The following HOTAIR variants were observed in gnomAD, a reference collection of about 807,000 sequenced individuals.
HOTAIR encodes HOX transcript antisense RNA (non-protein coding).
chr12:53,971,473 T>G (rs1939147118), intron 1 of HOTAIR, among the ~76,000 whole-genome samples: 1 of 152,234 alleles, frequency 6.6e-6, no homozygotes, highest in Non-Finnish European at 1.5e-5. Context: ...AGCTACAATT[T>G]TTTGTGTCCT....
Position 53,973,107 on chromosome 12 carries a change from A to C in HOTAIR, n.59+1791T>G. 1.5e-6 allele frequency: 1 copy of C among 666,238 alleles called. No individual in the cohort carries two copies. The highest frequency in any genetic ancestry group is 2.0e-5 in the South Asian group (1 of 49,320). The allele number at this position is 666,238 out of a possible 1,614,324, so 41.3% of individuals were successfully genotyped here. On this transcript the variant is annotated intron_variant and non_coding_transcript_variant, in intron 1 of 6. Transcript: ENST00000424518. The surrounding 1 kb of genome is among the most constrained non-coding windows in gnomAD (Gnocchi z 4.3). ...GAAGTGCTCCGAACTGATATATGAC[A>C]ATATCTACTTTGGATCACGTGCTCA... is the stretch of plus-strand genomic sequence containing the variant.
rs566759261 is a variant in HOTAIR at position 53,972,972 on chromosome 12, A to T, written n.59+1926T>A. Among the ~76,000 whole-genome samples, 14 of 152,094 alleles carry T rather than the reference A, an allele frequency of 9.2e-5. No individual in the cohort carries two copies. In the South Asian group the frequency reaches 1.7e-3, roughly 18 times the overall value. On this transcript the variant is annotated intron_variant and non_coding_transcript_variant, in intron 1 of 6. Coordinates refer to ENST00000424518, the Ensembl canonical transcript of HOTAIR. ...TGGAGAGAAGGGGAGTGACGAGAGA[A>T]AAACGAATACAAATCTGCAATTGAT...
At chr12:53,970,725 C>T (rs1216030921) in intron 1 of HOTAIR, among the ~76,000 whole-genome samples, 2 of 152,148 alleles carry the variant, frequency 1.3e-5, no homozygotes, top group African/African-American at 4.8e-5. Flanking sequence ...TCCTTGTTGC[C>T]GCCTGGCTCA....
In HOTAIR at chr12:53,973,137, G is replaced by T; in HGVS notation, n.59+1761C>A. The stretch of plus-strand genomic sequence containing the variant: ...CTACTTTGGATCACGTGCTCAGAGA[G>T]AGAGAGACTAAGACGGATAACGCGT... On this transcript the variant is annotated intron_variant and non_coding_transcript_variant, in intron 1 of 6. Coordinates refer to ENST00000424518, the Ensembl canonical transcript of HOTAIR. The surrounding 1 kb of genome is among the most constrained non-coding windows in gnomAD (Gnocchi z 4.3). 1 of 830,596 alleles carries T rather than the reference G, an allele frequency of 1.2e-6. No homozygotes were observed. Among genetic ancestry groups the T allele is most frequent in the Non-Finnish European group, 1.9e-6 (1 of 538,600 alleles). The allele number at this position is 830,596 out of a possible 1,614,324, so 51.5% of individuals were successfully genotyped here.
chr12:53,973,922 C>G lies in HOTAIR; in HGVS notation n.59+976G>C, dbSNP rs768660954. Reference sequence around the variant, plus strand: ...AGGAGCCGGCCAAAGGAGCCGCCCCCAGTAGGTAGCAGCGGCCGGGGAACG... The same window carrying G: ...AGGAGCCGGCCAAAGGAGCCGCCCCGAGTAGGTAGCAGCGGCCGGGGAACG... On this transcript the variant is annotated intron_variant and non_coding_transcript_variant, in intron 1 of 6. Transcript: ENST00000424518. The surrounding 1 kb of genome is among the most constrained non-coding windows in gnomAD (Gnocchi z 4.3). 1.4e-6 allele frequency: 2 copies of G among 1,438,470 alleles called. No homozygotes were observed. The highest frequency in any genetic ancestry group is 2.6e-5 in the East Asian group (1 of 38,636). The allele number at this position is 1,438,470 out of a possible 1,614,324, so 89.1% of individuals were successfully genotyped here.
intron 1 of HOTAIR, among the ~76,000 whole-genome samples, chr12:53,974,689 GCT>G: frequency 6.6e-6 from 1 of 151,786 alleles, no homozygotes; most frequent in Middle Eastern, 3.4e-3. Context: ...CCCGGAAGCG[GCT>G]CTCTGGTGTC....
At position 53,973,760 on chromosome 12, in the gene HOTAIR, C is replaced by T. The variant is rs1371623312; in HGVS notation, n.59+1138G>A. ...CGCCCGCCGAGCCCCCCTGCTCCGG[C>T]AAGGGCGAGGCCAAGGGGGAGCCCG... On this transcript the variant is annotated intron_variant and non_coding_transcript_variant, in intron 1 of 6. Coordinates refer to ENST00000424518, the Ensembl canonical transcript of HOTAIR. The surrounding 1 kb of genome is among the most constrained non-coding windows in gnomAD (Gnocchi z 4.3). The T allele has an allele frequency of 6.2e-7, 1 of 1,612,196 alleles. No homozygotes were observed. The highest frequency in any genetic ancestry group is 2.2e-5 in the East Asian group (1 of 44,834).
At position 53,965,561 on chromosome 12, in the gene HOTAIR, T is replaced by G. The variant is rs142082353; in HGVS notation, n.551+403A>C. Among the ~76,000 whole-genome samples, 9 of 152,224 alleles carry G rather than the reference T, an allele frequency of 5.9e-5. No individual in the cohort carries two copies. In the South Asian group the frequency reaches 8.3e-4, roughly 14 times the overall value. On this transcript the variant is annotated intron_variant and non_coding_transcript_variant, in intron 5 of 6. Coordinates refer to ENST00000424518, the Ensembl canonical transcript of HOTAIR. ...GCAGGAAGGACTGAAAATATTTGTG[T>G]TGTTGTTGTTTCCGGGATTTGAGAC...
chr12:53,973,964 G>T lies in HOTAIR; in HGVS notation n.59+934C>A. 7.0e-7 allele frequency: 1 copy of T among 1,425,094 alleles called. No individual in the cohort carries two copies. The highest frequency in any genetic ancestry group is 1.5e-5 in the South Asian group (1 of 66,284). The allele number at this position is 1,425,094 out of a possible 1,614,324, so 88.3% of individuals were successfully genotyped here. On this transcript the variant is annotated intron_variant and non_coding_transcript_variant, in intron 1 of 6. Coordinates refer to ENST00000424518, the Ensembl canonical transcript of HOTAIR. The surrounding 1 kb of genome is among the most constrained non-coding windows in gnomAD (Gnocchi z 4.3). ...CGGGGAACGGGCGGGCAGCGAGGGA[G>T]GGAGCGAGAGAGGGAGGGCGAGAGA...
chr12:53,971,761 G>T (rs1939151284), intron 1 of HOTAIR, among the ~76,000 whole-genome samples: 1 of 152,228 alleles, frequency 6.6e-6, no homozygotes, highest in Non-Finnish European at 1.5e-5. Context: ...ACCCAGTCCA[G>T]AACCTTTCAA....
intron 1 of HOTAIR, among the ~76,000 whole-genome samples, chr12:53,971,739 T>C (rs930458675): frequency 4.6e-5 from 7 of 152,240 alleles, no homozygotes; most frequent in Non-Finnish European, 8.8e-5. Flanking sequence ...CTGGTTGCTT[T>C]TGGCCCCTTG....
intron 1 of HOTAIR, among the ~76,000 whole-genome samples, chr12:53,971,899 TAGG>T (rs1421857045): frequency 6.6e-6 from 1 of 152,180 alleles, no homozygotes; most frequent in Non-Finnish European, 1.5e-5. Context: ...GACAGACTTG[TAGG>T]AGGGCAGGAC....
At position 53,973,326 on chromosome 12, in the gene HOTAIR, G is replaced by T; in HGVS notation, n.59+1572C>A. On this transcript the variant is annotated intron_variant and non_coding_transcript_variant, in intron 1 of 6. Transcript: ENST00000424518. This position sits in a 1 kb window ranked among gnomAD's most constrained non-coding sequence, Gnocchi z 4.3. The stretch of plus-strand genomic sequence containing the variant: ...AGATTTCGGCGAGCGAGGGAGCTGC[G>T]CCTCCAACCTCTATCTGCCCAGTTG... 2.5e-6 allele frequency: 4 copies of T among 1,613,944 alleles called. No individual in the cohort carries two copies. The highest frequency in any genetic ancestry group is 3.4e-6 in the Non-Finnish European group (4 of 1,179,976).
At chr12:53,968,851 C>T (rs1939103433) in intron 1 of HOTAIR, 1 of 152,198 alleles carries the variant, frequency 6.6e-6, no homozygotes, top group African/African-American at 2.4e-5. Context: ...CTTTGTGTCA[C>T]CTGAAGTTTT....
intron 6 of HOTAIR, chr12:53,964,220 A>C (rs529620501): frequency 3.3e-5 from 5 of 151,256 alleles, no homozygotes; most frequent in East Asian, 1.9e-4. Flanking sequence ...GTTAAAAAAA[A>C]AACAACAAAC....
rs1443131210 is a variant in HOTAIR, at chr12:53,973,383, T to C, written n.59+1515A>G. ...CTACATGCCCGAGTTCTCCACGGTC[T>C]CCTCCTTCCTGCCCCAGGCCCCCTC... On this transcript the variant is annotated intron_variant and non_coding_transcript_variant, in intron 1 of 6. Coordinates refer to ENST00000424518, the Ensembl canonical transcript of HOTAIR. The surrounding 1 kb of genome is among the most constrained non-coding windows in gnomAD (Gnocchi z 4.3). The C allele has an allele frequency of 6.2e-7, 1 of 1,613,988 alleles. No individual in the cohort carries two copies. The highest frequency in any genetic ancestry group is 8.5e-7 in the Non-Finnish European group (1 of 1,180,032).
In HOTAIR at chr12:53,973,250, C is replaced by G; in HGVS notation, n.59+1648G>C. On this transcript the variant is annotated intron_variant and non_coding_transcript_variant, in intron 1 of 6. Coordinates refer to ENST00000424518, the Ensembl canonical transcript of HOTAIR. This position sits in a 1 kb window ranked among gnomAD's most constrained non-coding sequence, Gnocchi z 4.3. ...GGCAGGAGAGGAGAACGATGTTTAA[C>G]TCGGTCAACCTGGGCAACTTCTGCT... 1 of 1,596,340 alleles carries G rather than the reference C, an allele frequency of 6.3e-7. No individual in the cohort carries two copies. The highest frequency in any genetic ancestry group is 8.5e-7 in the Non-Finnish European group (1 of 1,172,702).
chr12:53,963,763 T>G (rs1938998696), exon 7 of HOTAIR: 1 of 152,208 alleles, frequency 6.6e-6, no homozygotes, highest in South Asian at 2.1e-4. Flanking sequence ...GGGCAGTGGC[T>G]GACCCGAGCC....
At chr12:53,962,374 A>ACCTTG (rs1351214496) in exon 7 of HOTAIR, 1 of 152,236 alleles carries the variant, frequency 6.6e-6, no homozygotes, top group Non-Finnish European at 1.5e-5. Flanking sequence ...CTACACAAGG[A>ACCTTG]ATGTGCAGTC....
Sources: gnomAD v4.1 joint callset for allele counts (sites outside exome capture counted in the v4.1 genomes callset) on GRCh38, gnomAD v4.1.1 for gene constraint, Gnocchi (gnomAD v3.1) non-coding constraint, MANE v1.5 for transcripts, NCBI Gene and HGNC (gene_info 2026-07-23, HGNC 2026-07-21) for gene names.